The following FOXN3 variants were observed in gnomAD, a reference collection of about 807,000 sequenced individuals.
The protein encoded by FOXN3 is forkhead box protein N3.
FOXN3 carries 7 observed loss-of-function variants against 38.4 expected under a neutral mutation model. That is an observed-to-expected ratio of 0.18 (90% CI 0.10 to 0.34). The LOEUF is 0.34. FOXN3 is among the 10% of genes least tolerant of loss of function. The probability of loss-of-function intolerance (pLI) is 1.00; values close to 1 mark genes in which losing one functional copy is unlikely to be tolerated. For synonymous variants in FOXN3, 230 were observed against 242.2 expected, an observed-to-expected ratio of 0.95 and a Z score of 0.47; for missense variants, 456 against 613.4, an observed-to-expected ratio of 0.74 and a Z score of 2.71.
At chr14:89,404,504 CAAAAAAAAAAAA>C (rs71130075) in intron 2 of FOXN3, among the ~76,000 whole-genome samples, 3 of 61,032 alleles carry the variant, frequency 4.9e-5, no homozygotes, top group Non-Finnish European at 8.7e-5. Flanking sequence ...GACTCTGTCT[CAAAAAAAAAAAA>C]AAAAAAAAAA....
At chr14:89,568,970 C>T (rs911446895) in intron 1 of FOXN3, among the ~76,000 whole-genome samples, 10 of 152,164 alleles carry the variant, frequency 6.6e-5, no homozygotes, top group African/African-American at 1.9e-4. Flanking sequence ...TTTGGGAGGC[C>T]AAGGCGGGCA....
chr14:89,585,391 T>C (rs1461796493), intron 1 of FOXN3, among the ~76,000 whole-genome samples: 1 of 152,224 alleles, frequency 6.6e-6, no homozygotes, highest in Non-Finnish European at 1.5e-5. Context: ...TACTTATTTG[T>C]TGTTGTTTTT....
Position 89,324,000 on chromosome 14 carries a change from C to T in FOXN3, c.680+26672G>A, listed in dbSNP as rs28601764. Among the ~76,000 whole-genome samples, 459 of 152,248 alleles carry T rather than the reference C, an allele frequency of 3.0e-3. 4 individuals carry two copies. Among genetic ancestry groups the T allele is most frequent in the African/African-American group, 0.01 (431 of 41,548 alleles). ...TGTGCTTCAGTTTCCTTGTGGTGCC[C>T]TGGGCAACTCCTCAGATACAGCTTA... On this transcript the variant is annotated intron_variant, in intron 3 of 5. Coordinates refer to ENST00000557258, the MANE Select transcript of FOXN3 (RefSeq NM_005197.4).
Position 89,178,109 on chromosome 14 carries a change from G to A in FOXN3, c.851+2592C>T, listed in dbSNP as rs79824865. Among the ~76,000 whole-genome samples the A allele has an allele frequency of 2.2e-3, 328 of 152,202 alleles. 1 individual carries two copies. The highest frequency in any genetic ancestry group is 7.4e-3 in the African/African-American group (306 of 41,540). On this transcript the variant is annotated intron_variant, in intron 5 of 5. Transcript: ENST00000557258. ...TGCAGTCTTGACCTCCCAGGCTCAA[G>A]GGATCCTCCCACCTCAGCCTCCAGA...
At chr14:89,279,644 T>A (rs1319007695) in intron 4 of FOXN3, among the ~76,000 whole-genome samples, 1 of 152,202 alleles carries the variant, frequency 6.6e-6, no homozygotes, top group African/African-American at 2.4e-5. Flanking sequence ...AAATTATGTG[T>A]TAATTTTTGA....
intron 4 of FOXN3, among the ~76,000 whole-genome samples, chr14:89,200,999 T>C (rs1199197837): frequency 1.3e-5 from 2 of 152,220 alleles, no homozygotes; most frequent in Non-Finnish European, 2.9e-5. Flanking sequence ...GTTATGATCC[T>C]GTCCCATGGG....
intron 2 of FOXN3, among the ~76,000 whole-genome samples, chr14:89,381,470 T>C (rs1462569552): frequency 1.5e-5 from 2 of 129,348 alleles, no homozygotes; most frequent in African/African-American, 5.9e-5. Flanking sequence ...CCTGGCCATG[T>C]AAAGTGTGCT....
At position 89,162,642 on chromosome 14, in the gene FOXN3, T is replaced by A. The variant is rs755891097; in HGVS notation, c.1179A>T (p.Ala393=). 3 of 1,613,942 alleles carry A rather than the reference T, an allele frequency of 1.9e-6. No homozygotes were observed. The South Asian group carries it at 3.3e-5, about 18-fold the overall frequency. The change falls in exon 6 of 6, where the codon GCA becomes GCT. Residue 393 remains alanine, a synonymous_variant. Transcript: ENST00000557258. The surrounding 1 kb of genome is among the most constrained non-coding windows in gnomAD (Gnocchi z 7.2). ...AGTGCTGGCGCTTCTTGTGCTGGGA[T>A]GCGTACCCGCTGTCCCCCAGAGAAT... is the stretch of plus-strand genomic sequence containing the variant. ...PKDSLGDSGY[A]SQHKKRQHFA...
At chr14:89,612,871 G>A (rs975335805) in intron 1 of FOXN3, among the ~76,000 whole-genome samples, 1 of 151,550 alleles carries the variant, frequency 6.6e-6, no homozygotes, top group African/African-American at 2.4e-5. Flanking sequence ...TGTGCTCCCA[G>A]CACTTTGGGA....
At chr14:89,603,439 T>C (rs1027734317) in intron 1 of FOXN3, among the ~76,000 whole-genome samples, 1 of 152,222 alleles carries the variant, frequency 6.6e-6, no homozygotes, top group Non-Finnish European at 1.5e-5. Context: ...AAAATACCCC[T>C]GAATACCTGC....
chr14:89,196,783 G>A (rs1888110171), intron 4 of FOXN3, among the ~76,000 whole-genome samples: 1 of 152,198 alleles, frequency 6.6e-6, no homozygotes, highest in African/African-American at 2.4e-5. Context: ...TTCTAACCAT[G>A]TTCATTCCGC....
intron 2 of FOXN3, among the ~76,000 whole-genome samples, chr14:89,378,449 G>A (rs1201798290): frequency 1.3e-5 from 2 of 152,166 alleles, no homozygotes; most frequent in Admixed American, 6.5e-5. Context: ...TGCTTAAAAC[G>A]CCCAAGTCTG....
chr14:89,527,204 A>G (rs1467121710), intron 1 of FOXN3, among the ~76,000 whole-genome samples: 1 of 152,240 alleles, frequency 6.6e-6, no homozygotes, highest in Admixed American at 6.5e-5. Context: ...ACAGAACTTC[A>G]GTACATATCT....
At chr14:89,518,599 C>A (rs1024498152) in intron 1 of FOXN3, among the ~76,000 whole-genome samples, 6 of 152,178 alleles carry the variant, frequency 3.9e-5, no homozygotes, top group African/African-American at 1.4e-4. Flanking sequence ...CTATTACTTG[C>A]AATGAAACCA....
intron 1 of FOXN3, among the ~76,000 whole-genome samples, chr14:89,520,101 C>T (rs752425259): frequency 6.7e-6 from 1 of 150,016 alleles, no homozygotes; most frequent in African/African-American, 2.5e-5. Context: ...GCAGCCTCCA[C>T]CTCCTAGGCT....
chr14:89,221,826 C>CTTT (rs760636778), intron 4 of FOXN3, among the ~76,000 whole-genome samples: 26 of 144,752 alleles, frequency 1.8e-4, no homozygotes, highest in African/African-American at 6.3e-4. Flanking sequence ...TCTATATAAT[C>CTTT]TTTTTTTTTT....
chr14:89,544,357 A>G (rs952536344), intron 1 of FOXN3, among the ~76,000 whole-genome samples: 1 of 151,528 alleles, frequency 6.6e-6, no homozygotes, highest in Non-Finnish European at 1.5e-5. Flanking sequence ...TTTTTAAGAC[A>G]GGGTCTTGCT....
chr14:89,277,289 C>T (rs1236265682), intron 4 of FOXN3, among the ~76,000 whole-genome samples: 1 of 152,204 alleles, frequency 6.6e-6, no homozygotes, highest in African/African-American at 2.4e-5. Flanking sequence ...CACCTGTCAG[C>T]TGGCCACGCC....
chr14:89,465,878 T>C (rs981369310), intron 1 of FOXN3, among the ~76,000 whole-genome samples: 3 of 152,282 alleles, frequency 2.0e-5, no homozygotes, highest in African/African-American at 7.2e-5. Context: ...TAAAATTAAT[T>C]CAAACATTGT....
Sources: allele counts gnomAD v4.1 joint callset (sites outside exome capture counted in the v4.1 genomes callset), GRCh38; gene constraint gnomAD v4.1.1; non-coding constraint Gnocchi (gnomAD v3.1); transcripts MANE v1.5; gene names NCBI Gene and HGNC (gene_info 2026-07-23, HGNC 2026-07-21).